STRBP: variants seen among roughly 807,000 people sequenced by gnomAD.
STRBP encodes spermatid perinuclear RNA-binding protein.
A neutral mutation model predicts 80.1 loss-of-function variants in STRBP; 13 were observed. The ratio of observed to expected loss-of-function variants is 0.16; its 90% CI spans 0.11 to 0.26. The LOEUF is 0.26. Among genes scored for constraint, STRBP ranks in the 10% least tolerant of loss-of-function variants. The pLI is 1.00. For missense variants in STRBP, 485 were observed against 815.2 expected (o/e 0.59, Z 4.93); for synonymous variants, 284 against 291.2 (o/e 0.98, Z 0.25).
chr9:123,166,937 T>C (rs1055567037), intron 6 of STRBP, among the ~76,000 whole-genome samples: 4 of 152,188 alleles, frequency 2.6e-5, no homozygotes, highest in East Asian at 1.9e-4. Context: ...ACGGAAAACA[T>C]AGGAGGAAAC....
downstream of STRBP, among the ~76,000 whole-genome samples, chr9:123,117,583 T>C (rs543234231): frequency 4.6e-5 from 7 of 152,284 alleles, no homozygotes; most frequent in Middle Eastern, 3.4e-3. Flanking sequence ...CAAGGGAAAC[T>C]CCTGGCAATG....
chr9:123,152,946 G>C (rs2037122081), intron 11 of STRBP, among the ~76,000 whole-genome samples: 1 of 152,176 alleles, frequency 6.6e-6, no homozygotes. Context: ...AGAGAAACTA[G>C]CTGAAGGGTA....
At chr9:123,190,750 T>G (rs956787998) in intron 2 of STRBP, among the ~76,000 whole-genome samples, 7 of 152,200 alleles carry the variant, frequency 4.6e-5, no homozygotes, top group Non-Finnish European at 1.0e-4. Context: ...AGAATGAGAT[T>G]CCTGAATATT....
intron 2 of STRBP, among the ~76,000 whole-genome samples, chr9:123,200,241 T>A (rs2039265416): frequency 6.6e-6 from 1 of 152,212 alleles, no homozygotes; most frequent in African/African-American, 2.4e-5. Flanking sequence ...GATACTTCGA[T>A]TCTGTACCCA....
In STRBP at chr9:123,141,750, A is replaced by C. The variant is rs143490900; in HGVS notation, c.1339-2063T>G. Among the ~76,000 whole-genome samples, 847 of 152,352 alleles carry C rather than the reference A, an allele frequency of 5.6e-3. 7 individuals carry two copies. The highest frequency in any genetic ancestry group is 0.014 in the Middle Eastern group (4 of 294). ...AGCAACATATTTCAATACATTTACA[A>C]ATATTTTATATAACTGGTGGATTAT... On this transcript the variant is annotated intron_variant, in intron 13 of 18. Coordinates refer to ENST00000348403, the MANE Select transcript of STRBP (RefSeq NM_018387.5).
At chr9:123,160,251 A>C (rs947072848) in intron 8 of STRBP, 116 bp downstream of exon 8, 4 of 581,862 alleles carry the variant, frequency 6.9e-6, no homozygotes, top group African/African-American at 5.7e-5. Context: ...GCAAACATAC[A>C]TAATGCATGC....
chr9:123,262,046 T>G (rs1433112228), intron 1 of STRBP, among the ~76,000 whole-genome samples: 1 of 152,236 alleles, frequency 6.6e-6, no homozygotes, highest in Non-Finnish European at 1.5e-5. Flanking sequence ...CTGTCTTAAA[T>G]TGTACTTATT....
At chr9:123,218,641 T>C (rs2039977933) in intron 2 of STRBP, among the ~76,000 whole-genome samples, 2 of 151,166 alleles carry the variant, frequency 1.3e-5, no homozygotes, top group African/African-American at 4.9e-5. Flanking sequence ...AGTGCTGGGA[T>C]TACAGGCGTG....
chr9:123,168,501 T>C (rs1426040381), intron 6 of STRBP, among the ~76,000 whole-genome samples: 1 of 152,246 alleles, frequency 6.6e-6, no homozygotes, highest in African/African-American at 2.4e-5. Context: ...AGTGATTCTA[T>C]GAGTCATGTC....
chr9:123,120,703 C>T (rs1215916938), downstream of STRBP, among the ~76,000 whole-genome samples: 1 of 152,076 alleles, frequency 6.6e-6, no homozygotes, highest in Non-Finnish European at 1.5e-5. Flanking sequence ...CTTTGTTCTA[C>T]TATAAAAACT....
At chr9:123,222,734 T>C (rs532035825) in intron 2 of STRBP, among the ~76,000 whole-genome samples, 1 of 152,308 alleles carries the variant, frequency 6.6e-6, no homozygotes, top group Admixed American at 6.5e-5. Flanking sequence ...AGAAGTTGAA[T>C]TAACATTAAG....
chr9:123,267,599 A>G (rs1221021549), intron 1 of STRBP, among the ~76,000 whole-genome samples: 1 of 150,326 alleles, frequency 6.7e-6, no homozygotes, highest in African/African-American at 2.5e-5. Context: ...TCATTTCCCT[A>G]TCACCCCAGA....
At chr9:123,178,191 AT>A (rs1468833739) in intron 4 of STRBP, among the ~76,000 whole-genome samples, 2 of 152,232 alleles carry the variant, frequency 1.3e-5, no homozygotes, top group Non-Finnish European at 2.9e-5. Context: ...TTATTTACTT[AT>A]CACACTGATT....
At chr9:123,181,390 T>C (rs1167897026) in intron 3 of STRBP, among the ~76,000 whole-genome samples, 1 of 152,224 alleles carries the variant, frequency 6.6e-6, no homozygotes, top group African/African-American at 2.4e-5. Flanking sequence ...TGCGTATTGC[T>C]ACATTACATA....
chr9:123,218,559 C>T (rs1218649093), intron 2 of STRBP, among the ~76,000 whole-genome samples: 4 of 150,266 alleles, frequency 2.7e-5, no homozygotes, highest in African/African-American at 9.8e-5. Context: ...TTAGTAGAGA[C>T]GGGGTTTCAC....
chr9:123,199,242 T>A (rs1317546701), intron 2 of STRBP, among the ~76,000 whole-genome samples: 1 of 152,274 alleles, frequency 6.6e-6, no homozygotes, highest in East Asian at 1.9e-4. Context: ...CCTATGTGCC[T>A]ACTTTTATAC....
At chr9:123,130,635 C>G (rs2036097060) in intron 17 of STRBP, among the ~76,000 whole-genome samples, 1 of 152,168 alleles carries the variant, frequency 6.6e-6, no homozygotes, top group Non-Finnish European at 1.5e-5. Context: ...AAGCTTTGCC[C>G]TTTCAATAAT....
chr9:123,194,182 A>G (rs10818789), intron 2 of STRBP, among the ~76,000 whole-genome samples: 47,121 of 152,058 alleles, frequency 0.31, 10,707 homozygotes, highest in East Asian at 0.7. Context: ...CTCTTCAAAC[A>G]TCTATACTCT....
At chr9:123,246,382 T>C (rs2040800149) in intron 1 of STRBP, among the ~76,000 whole-genome samples, 1 of 152,170 alleles carries the variant, frequency 6.6e-6, no homozygotes, top group Non-Finnish European at 1.5e-5. Context: ...AGTGGCTAAA[T>C]AATGGACTAG....
Sources: allele counts gnomAD v4.1 joint callset (sites outside exome capture counted in the v4.1 genomes callset), GRCh38; gene constraint gnomAD v4.1.1; transcripts MANE v1.5; gene names NCBI Gene and HGNC (gene_info 2026-07-23, HGNC 2026-07-21).